GALNT10: variants seen among roughly 807,000 people sequenced by gnomAD.
GALNT10 encodes the protein GalNAc transferase 10.
A neutral mutation model predicts 75.0 loss-of-function variants in GALNT10; 41 were observed. The ratio of observed to expected loss-of-function variants is 0.55; its 90% CI spans 0.43 to 0.71. The LOEUF (loss-of-function observed/expected upper bound fraction) is 0.71, where lower values mean the gene tolerates loss of function less well. Ranked by LOEUF, GALNT10 falls within the 30% of genes least tolerant of loss-of-function variation. GALNT10 has a pLI of 0.00. For synonymous variants in GALNT10, 302 were observed against 313.0 expected, an observed-to-expected ratio of 0.96 and a Z score of 0.37; for missense variants, 727 against 818.5, an observed-to-expected ratio of 0.89 and a Z score of 1.36.
intron 1 of GALNT10, among the ~76,000 whole-genome samples, chr5:154,216,704 G>T (rs1216080899): frequency 2.0e-5 from 3 of 152,124 alleles, no homozygotes; most frequent in Non-Finnish European, 2.9e-5. Context: ...ACATGAAACT[G>T]GCATTCCTCA....
chr5:154,226,967 C>T lies in GALNT10; in HGVS notation c.159+35942C>T, dbSNP rs1317803306. On this transcript the variant is annotated intron_variant, in intron 1 of 11. Coordinates refer to ENST00000297107, the MANE Select transcript of GALNT10 (RefSeq NM_198321.4). ...TACTCTTTAAAAAAAAAAAAACTTC[C>T]TTTTTTCAGTGACCATGATTATTTT... 5.3e-5 allele frequency among the ~76,000 whole-genome samples: 8 copies of T among 151,774 alleles called. No individual in the cohort carries two copies. The East Asian group carries it at 1.5e-3, about 29-fold the overall frequency.
At chr5:154,328,241 T>G in intron 3 of GALNT10, among the ~76,000 whole-genome samples, 1 of 152,080 alleles carries the variant, frequency 6.6e-6, no homozygotes. Flanking sequence ...AGATGTTTGA[T>G]GATATTAAGG....
rs115214418 is a variant in GALNT10 at position 154,344,066 on chromosome 5, T to A, written c.568+14328T>A. 9.9e-3 allele frequency among the ~76,000 whole-genome samples: 1,501 copies of A among 152,290 alleles called. 15 individuals carry two copies. The highest frequency in any genetic ancestry group is 0.015 in the Non-Finnish European group (1,029 of 68,020). ...AATTCATATTCATATTACATTAGAA[T>A]CACGCTCCTTGAAGGGTTCATCAGT... On this transcript the variant is annotated intron_variant, in intron 4 of 11. Transcript: ENST00000297107.
In GALNT10 at chr5:154,368,861, T is replaced by C. The variant is rs114230810; in HGVS notation, c.569-7416T>C. Among the ~76,000 whole-genome samples, 1,362 of 152,304 alleles carry C rather than the reference T, an allele frequency of 8.9e-3. 18 individuals are homozygous for C. The highest frequency in any genetic ancestry group is 0.031 in the African/African-American group (1,302 of 41,558). On this transcript the variant is annotated intron_variant, in intron 4 of 11. Transcript: ENST00000297107. Reference sequence around the variant, plus strand: ...GAAAGCCTTAGACATCCTAGAGGACTAGGGTTGGAAACTGGTATTTGCCAG... The same window carrying C: ...GAAAGCCTTAGACATCCTAGAGGACCAGGGTTGGAAACTGGTATTTGCCAG...
intron 1 of GALNT10, among the ~76,000 whole-genome samples, chr5:154,273,302 C>T (rs1447720371): frequency 6.6e-6 from 1 of 152,132 alleles, no homozygotes; most frequent in Non-Finnish European, 1.5e-5. Context: ...CACTGAGAAC[C>T]TGATTCTGGT....
chr5:154,222,235 G>GTT (rs34297252), intron 1 of GALNT10, among the ~76,000 whole-genome samples: 167 of 143,494 alleles, frequency 1.2e-3, no homozygotes, highest in East Asian at 2.2e-3. Flanking sequence ...CTTTTTGCCT[G>GTT]TTTTTTTTTT....
chr5:154,276,572 G>A (rs1211987960), intron 1 of GALNT10, among the ~76,000 whole-genome samples: 4 of 152,158 alleles, frequency 2.6e-5, no homozygotes, highest in Non-Finnish European at 5.9e-5. Context: ...GATTATAGGA[G>A]GATGAAGGTC....
intron 1 of GALNT10, among the ~76,000 whole-genome samples, chr5:154,293,613 A>ATATATTTTTTTT: frequency 9.1e-6 from 1 of 109,360 alleles, no homozygotes; most frequent in African/African-American, 4.2e-5. Context: ...ATATATATAT[A>ATATATTTTTTTT]TTTTTTTTTT....
At chr5:154,381,766 G>A (rs1561677427) in intron 6 of GALNT10, among the ~76,000 whole-genome samples, 1 of 152,186 alleles carries the variant, frequency 6.6e-6, no homozygotes, top group Non-Finnish European at 1.5e-5. Flanking sequence ...CAGAAGGATA[G>A]AATCTTCAGA....
At chr5:154,286,844 A>G (rs2443529) in intron 1 of GALNT10, among the ~76,000 whole-genome samples, 98,724 of 152,044 alleles carry the variant, frequency 0.65, 32,539 homozygotes, top group East Asian at 0.86. Flanking sequence ...CCCAGCAGAC[A>G]TAGACTCGTG....
At chr5:154,347,420 A>G (rs1472085224) in intron 4 of GALNT10, among the ~76,000 whole-genome samples, 2 of 151,584 alleles carry the variant, frequency 1.3e-5, no homozygotes, top group African/African-American at 4.8e-5. Context: ...TTGAAGTGCA[A>G]TGATGCAACC....
chr5:154,249,298 G>C (rs115980154), intron 1 of GALNT10, among the ~76,000 whole-genome samples: 2 of 152,170 alleles, frequency 1.3e-5, no homozygotes, highest in African/African-American at 4.8e-5. Context: ...TAATGCTGCC[G>C]GACTGGGGAC....
At chr5:154,198,605 C>G (rs1774981531) in intron 1 of GALNT10, among the ~76,000 whole-genome samples, 1 of 152,206 alleles carries the variant, frequency 6.6e-6, no homozygotes, top group Admixed American at 6.5e-5. Context: ...AGAGGCTGCT[C>G]TTGGTACCCC....
In GALNT10 at chr5:154,191,017, G is replaced by T. The variant is rs1774851037; in HGVS notation, c.151G>T (p.Ala51Ser). 1 of 1,454,544 alleles carries T rather than the reference G, an allele frequency of 6.9e-7. No homozygotes were observed. Among genetic ancestry groups the T allele is most frequent in the South Asian group, 1.3e-5 (1 of 75,500 alleles). The allele number at this position is 1,454,544 out of a possible 1,614,324, so 90.1% of individuals were successfully genotyped here. ...ATCGGGGGCGGCGGTGGCGCCGGCGGCGGGACAGGTGAGTCCCCCCGTTGC... is the reference window on the plus strand; with the variant it reads ...ATCGGGGGCGGCGGTGGCGCCGGCGTCGGGACAGGTGAGTCCCCCCGTTGC... ...GGSGAAVAPA[A>S]GQGSHSRQKK... Residue 51 changes from alanine to serine, a missense_variant, in exon 1 of 12, where the codon GCG becomes TCG. By Grantham distance (99) the Ala-to-Ser change is moderately conservative (BLOSUM62 1). Transcript: ENST00000297107.
chr5:154,228,456 G>T (rs190497940), intron 1 of GALNT10, among the ~76,000 whole-genome samples: 20 of 152,162 alleles, frequency 1.3e-4, no homozygotes, highest in African/African-American at 4.3e-4. Flanking sequence ...GTAAAGGCGG[G>T]CTCCTCCAGT....
intron 10 of GALNT10, among the ~76,000 whole-genome samples, chr5:154,414,889 C>G (rs1259885298): frequency 6.6e-6 from 1 of 152,004 alleles, no homozygotes; most frequent in African/African-American, 2.4e-5. Context: ...TTTGGGAGGC[C>G]AAGGTTGGCA....
At chr5:154,194,784 T>C (rs183839966) in intron 1 of GALNT10, among the ~76,000 whole-genome samples, 18 of 152,310 alleles carry the variant, frequency 1.2e-4, no homozygotes, top group African/African-American at 4.1e-4. Context: ...AATACCAGAC[T>C]TGGGCTCAGA....
chr5:154,363,492 GAA>G (rs57710576), intron 4 of GALNT10, among the ~76,000 whole-genome samples: 1,086 of 37,252 alleles, frequency 0.029, 4 homozygotes, highest in African/African-American at 0.067. Context: ...GCGTTTATCT[GAA>G]AAAAAAAAAA....
chr5:154,372,956 C>G (rs1422655445), intron 4 of GALNT10, among the ~76,000 whole-genome samples: 1 of 152,144 alleles, frequency 6.6e-6, no homozygotes, highest in Non-Finnish European at 1.5e-5. Flanking sequence ...TTGGATGGCT[C>G]TGAGTCATTA....
Sources: allele counts gnomAD v4.1 joint callset (sites outside exome capture counted in the v4.1 genomes callset), GRCh38; gene constraint gnomAD v4.1.1; transcripts MANE v1.5; gene names NCBI Gene and HGNC (gene_info 2026-07-23, HGNC 2026-07-21).